The following EYS variants were observed in gnomAD, a reference collection of about 807,000 sequenced individuals.
The protein encoded by EYS is protein eyes shut homolog.
EYS carries 250 observed loss-of-function variants against 282.1 expected under a neutral mutation model. The ratio of observed to expected loss-of-function variants is 0.89; its 90% CI spans 0.80 to 0.98. The LOEUF is 0.98. Among genes scored for constraint, EYS ranks in the 50% least tolerant of loss-of-function variants. The pLI, the probability that EYS is intolerant of heterozygous loss-of-function variation, is 0.00. For synonymous variants in EYS, 1,355 were observed against 1,282.9 expected (o/e 1.06, Z -1.20); for missense variants, 4,016 against 3,709.0 (o/e 1.08, Z -2.15).
chr6:64,548,446 A>T (rs1246660001), intron 26 of EYS, among the ~76,000 whole-genome samples: 2 of 152,234 alleles, frequency 1.3e-5, no homozygotes, highest in Non-Finnish European at 2.9e-5. Context: ...CAACAATGGT[A>T]GACTGGATTA....
chr6:63,773,467 C>T (rs545457054), intron 40 of EYS, among the ~76,000 whole-genome samples: 3 of 151,916 alleles, frequency 2.0e-5, no homozygotes, highest in Admixed American at 6.6e-5. Flanking sequence ...TCTTGGAAGG[C>T]GGGATAGAGT....
intron 31 of EYS, among the ~76,000 whole-genome samples, chr6:64,161,785 G>A (rs1021126043): frequency 2.0e-5 from 3 of 152,168 alleles, no homozygotes; most frequent in African/African-American, 7.2e-5. Context: ...GGACTCAGAT[G>A]ATCTCTGTAT....
chr6:65,105,840 G>T (rs192359749), intron 12 of EYS, among the ~76,000 whole-genome samples: 1 of 151,850 alleles, frequency 6.6e-6, no homozygotes, highest in Non-Finnish European at 1.5e-5. Flanking sequence ...TGCTAGAGCA[G>T]GAAAATTATA....
intron 18 of EYS, among the ~76,000 whole-genome samples, chr6:64,892,558 ATAT>A (rs1316854356): frequency 2.0e-5 from 3 of 152,070 alleles, no homozygotes; most frequent in African/African-American, 4.8e-5. Context: ...TTTTCTTGTG[ATAT>A]TATAACTGCA....
At chr6:64,875,225 T>A (rs1766708663) in intron 19 of EYS, among the ~76,000 whole-genome samples, 1 of 151,426 alleles carries the variant, frequency 6.6e-6, no homozygotes, top group Admixed American at 6.6e-5. Flanking sequence ...TTGCACCAAT[T>A]TGTGTGTGTG....
chr6:65,027,975 T>C (rs1361759473), intron 13 of EYS, among the ~76,000 whole-genome samples: 1 of 152,156 alleles, frequency 6.6e-6, no homozygotes, highest in Non-Finnish European at 1.5e-5. Context: ...CACTAAATTA[T>C]TATGCCGGAT....
At chr6:63,797,395 C>T (rs1770672329) in intron 37 of EYS, 1 of 152,152 alleles carries the variant, frequency 6.6e-6, no homozygotes. Flanking sequence ...ACTGCCGGAA[C>T]AAGATGTATC....
intron 22 of EYS, among the ~76,000 whole-genome samples, chr6:64,799,198 C>CT (rs1253795966): frequency 3.3e-5 from 5 of 151,804 alleles, no homozygotes; most frequent in Non-Finnish European, 4.4e-5. Context: ...ACCTCTACTA[C>CT]TTTTTTTTAA....
At chr6:65,162,944 T>TGTGTGTGTGTG in intron 12 of EYS, among the ~76,000 whole-genome samples, 1 of 151,084 alleles carries the variant, frequency 6.6e-6, no homozygotes, top group Non-Finnish European at 1.5e-5. Flanking sequence ...TGTCTGTGTG[T>TGTGTGTGTGTG]TCCCAACCAA....
At chr6:64,107,554 C>T (rs1411200278) in intron 31 of EYS, among the ~76,000 whole-genome samples, 1 of 151,708 alleles carries the variant, frequency 6.6e-6, no homozygotes, top group Admixed American at 6.6e-5. Flanking sequence ...TTGTGCCCAC[C>T]AGATAAAGGG....
chr6:63,778,212 C>A, intron 39 of EYS, 32 bp from the exon 40 acceptor site: 1 of 1,542,310 alleles, frequency 6.5e-7, no homozygotes, highest in Non-Finnish European at 8.8e-7. Context: ...TTCGTGTTAA[C>A]AAACAGAAGA....
At chr6:63,885,442 A>G (rs958315579) in intron 35 of EYS, among the ~76,000 whole-genome samples, 2 of 152,182 alleles carry the variant, frequency 1.3e-5, no homozygotes, top group Admixed American at 6.5e-5. Context: ...GCCAATGAGT[A>G]TCTCAATGAT....
intron 2 of EYS, among the ~76,000 whole-genome samples, chr6:65,626,046 C>T (rs191341609): frequency 6.6e-6 from 1 of 152,126 alleles, no homozygotes; most frequent in East Asian, 1.9e-4. Flanking sequence ...TTCCAGGTAG[C>T]AATCATGATC....
chr6:64,997,733 A>G, intron 13 of EYS, 30 bp from the exon 14 acceptor site: 1 of 1,548,018 alleles, frequency 6.5e-7, no homozygotes, highest in Non-Finnish European at 8.7e-7. Context: ...GAAAACTCTT[A>G]ACATTCCTTT....
At chr6:63,948,722 C>T (rs1256023148) in intron 35 of EYS, among the ~76,000 whole-genome samples, 1 of 151,972 alleles carries the variant, frequency 6.6e-6, no homozygotes, top group Non-Finnish European at 1.5e-5. Context: ...TAACTTGGTT[C>T]CAAACCAGGG....
intron 35 of EYS, among the ~76,000 whole-genome samples, chr6:63,937,763 G>C (rs1765116888): frequency 6.6e-6 from 1 of 152,074 alleles, no homozygotes; most frequent in Admixed American, 6.6e-5. Flanking sequence ...AAAAAATGGA[G>C]ATCAATACAT....
chr6:65,282,216 GA>G (rs1394335911), intron 12 of EYS, among the ~76,000 whole-genome samples: 3 of 151,926 alleles, frequency 2.0e-5, no homozygotes, highest in African/African-American at 7.2e-5. Flanking sequence ...AAATTACTAG[GA>G]GAGTACATTT....
chr6:65,695,235 C>T (rs529457669), intron 1 of EYS, among the ~76,000 whole-genome samples: 1 of 151,678 alleles, frequency 6.6e-6, no homozygotes, highest in East Asian at 1.9e-4. Flanking sequence ...AAATATCAAC[C>T]TCTGGGAAAA....
intron 5 of EYS, among the ~76,000 whole-genome samples, chr6:65,474,353 A>G (rs1562206671): frequency 6.6e-6 from 1 of 152,112 alleles, no homozygotes; most frequent in Non-Finnish European, 1.5e-5. Context: ...TAGACTATCA[A>G]AAATAGTTTC....
Sources: gnomAD v4.1 joint callset for allele counts (sites outside exome capture counted in the v4.1 genomes callset) on GRCh38, gnomAD v4.1.1 for gene constraint, MANE v1.5 for transcripts, NCBI Gene and HGNC (gene_info 2026-07-23, HGNC 2026-07-21) for gene names.